TRPM3: variants seen among roughly 807,000 people sequenced by gnomAD.
TRPM3 encodes transient receptor potential cation channel subfamily M member 3.
Under a neutral mutation model 181.2 loss-of-function variants are expected in TRPM3, and 77 were observed. That is an observed-to-expected ratio of 0.42 (90% CI 0.35 to 0.51). The LOEUF (loss-of-function observed/expected upper bound fraction) is 0.51. Among genes scored for constraint, TRPM3 ranks in the 20% least tolerant of loss-of-function variants. The probability of loss-of-function intolerance (pLI) is 0.01; values close to 1 mark genes in which losing one functional copy is unlikely to be tolerated. For synonymous variants in TRPM3, 745 were observed against 796.4 expected (o/e 0.94, Z 1.09); for missense variants, 1,759 against 2,196.7 (o/e 0.80, Z 3.98).
At chr9:70,663,763 T>TA (rs1487906280) in intron 9 of TRPM3, among the ~76,000 whole-genome samples, 2 of 152,192 alleles carry the variant, frequency 1.3e-5, no homozygotes, top group South Asian at 2.1e-4. Flanking sequence ...GAGAACTGAA[T>TA]AAGATCTAAG....
At chr9:70,803,754 T>C (rs921738214) in intron 6 of TRPM3, among the ~76,000 whole-genome samples, 6 of 150,224 alleles carry the variant, frequency 4.0e-5, no homozygotes, top group Non-Finnish European at 4.4e-5. Flanking sequence ...CCGGCCGAGC[T>C]CCCCTTTTTT....
chr9:71,279,406 C>A (rs1347031941), intron 1 of TRPM3, among the ~76,000 whole-genome samples: 1 of 152,180 alleles, frequency 6.6e-6, no homozygotes, highest in Non-Finnish European at 1.5e-5. Flanking sequence ...ATTTGTCCAT[C>A]TGGCAGTTTT....
chr9:70,855,738 C>T (rs2095368847), intron 3 of TRPM3, among the ~76,000 whole-genome samples: 1 of 152,130 alleles, frequency 6.6e-6, no homozygotes, highest in African/African-American at 2.4e-5. Context: ...AAAATGGGCA[C>T]TTGTAATTAA....
chr9:70,869,143 G>A (rs965207352), intron 1 of TRPM3: 4 of 783,192 alleles, frequency 5.1e-6, no homozygotes, highest in Non-Finnish European at 6.2e-6. Context: ...CCCAAGAGAC[G>A]TTTCAAGTAA....
intron 1 of TRPM3, among the ~76,000 whole-genome samples, chr9:71,041,697 T>C (rs1166862933): frequency 6.6e-6 from 1 of 152,188 alleles, no homozygotes; most frequent in Admixed American, 6.5e-5. Context: ...CTACTGTCTT[T>C]GATATCTATA....
At chr9:71,194,239 A>G in intron 1 of TRPM3, among the ~76,000 whole-genome samples, 1 of 151,936 alleles carries the variant, frequency 6.6e-6, no homozygotes, top group Non-Finnish European at 1.5e-5. Context: ...TCTCTTGGGA[A>G]GAGGTAAGTG....
In TRPM3 at chr9:70,576,480, T is replaced by TCTC. The variant is rs760840409; in HGVS notation, c.3223+14548_3223+14550dup. Among the ~76,000 whole-genome samples the TCTC allele has an allele frequency of 2.0e-3, 274 of 139,890 alleles. 4 individuals carry two copies. In the East Asian group the frequency reaches 0.035, roughly 18 times the overall value. 91.8% of individuals were successfully genotyped at this position (139,890 alleles called of 152,430 possible). A position where few individuals can be genotyped will look rare whatever the true frequency, so the allele number is the denominator to read the frequency against. On this transcript the variant is annotated intron_variant, in intron 22 of 25. Coordinates refer to ENST00000677713, the MANE Select transcript of TRPM3 (RefSeq NM_001366145.2). ...CTGCTATAGATCTTCTTCTTCTTCT[T>TCTC]CTCCTCCTCCTCCTCCTCCTCCTTC... is the stretch of plus-strand genomic sequence containing the variant.
intron 1 of TRPM3, among the ~76,000 whole-genome samples, chr9:71,416,684 C>T (rs951148793): frequency 1.3e-5 from 2 of 151,854 alleles, no homozygotes; most frequent in Non-Finnish European, 2.9e-5. Flanking sequence ...ACACTATTCA[C>T]CTAAATTTAT....
At chr9:71,136,847 G>A (rs147223099) in intron 1 of TRPM3, among the ~76,000 whole-genome samples, 1 of 152,322 alleles carries the variant, frequency 6.6e-6, no homozygotes, top group African/African-American at 2.4e-5. Context: ...GGCGCACTTT[G>A]AAGACAGGAA....
At chr9:71,108,026 G>A (rs955380665) in intron 1 of TRPM3, among the ~76,000 whole-genome samples, 4 of 152,074 alleles carry the variant, frequency 2.6e-5, no homozygotes, top group Non-Finnish European at 2.9e-5. Context: ...AGGCATTTAC[G>A]GGGACATCTG....
chr9:70,639,222 G>T (rs778640667), intron 10 of TRPM3, 28 bp from the exon 11 acceptor site: 2 of 1,611,726 alleles, frequency 1.2e-6, no homozygotes, highest in South Asian at 2.2e-5. Context: ...GAGTTAGTCT[G>T]CCCCAGGGTC....
At chr9:71,319,946 T>C (rs903428834) in intron 1 of TRPM3, among the ~76,000 whole-genome samples, 23 of 152,266 alleles carry the variant, frequency 1.5e-4, no homozygotes, top group Admixed American at 6.5e-4. Flanking sequence ...TATATCTTTG[T>C]GCTTTGTTAT....
At chr9:71,085,435 C>G (rs1398422378) in intron 1 of TRPM3, among the ~76,000 whole-genome samples, 1 of 151,378 alleles carries the variant, frequency 6.6e-6, no homozygotes, top group Non-Finnish European at 1.5e-5. Flanking sequence ...ATTAAACAAG[C>G]AAAAAACAAA....
intron 1 of TRPM3, among the ~76,000 whole-genome samples, chr9:71,043,615 T>C (rs2059080675): frequency 6.6e-6 from 1 of 152,196 alleles, no homozygotes; most frequent in South Asian, 2.1e-4. Context: ...CCCACATCTA[T>C]TACAACCACC....
intron 1 of TRPM3, among the ~76,000 whole-genome samples, chr9:71,252,847 C>CTT (rs11417438): frequency 0.02 from 1,724 of 84,718 alleles, 67 homozygotes; most frequent in East Asian, 0.09. Flanking sequence ...AATTTTGTCT[C>CTT]TTTTTTTTTT....
At chr9:71,187,946 G>GATAA (rs2077782825) in intron 1 of TRPM3, among the ~76,000 whole-genome samples, 1 of 51,344 alleles carries the variant, frequency 1.9e-5, no homozygotes, top group African/African-American at 6.1e-5. Context: ...TAGATAGATA[G>GATAA]ATAGATCATC....
intron 1 of TRPM3, among the ~76,000 whole-genome samples, chr9:71,132,227 A>G (rs910788710): frequency 9.2e-5 from 14 of 152,202 alleles, no homozygotes; most frequent in Admixed American, 7.2e-4. Flanking sequence ...GAATCCGAGA[A>G]TATAGGTGAC....
At chr9:70,605,914 C>T (rs568151478) in intron 19 of TRPM3, among the ~76,000 whole-genome samples, 1 of 152,206 alleles carries the variant, frequency 6.6e-6, no homozygotes, top group East Asian at 1.9e-4. Flanking sequence ...CATGCACATT[C>T]TTCCAGAACC....
intron 9 of TRPM3, among the ~76,000 whole-genome samples, chr9:70,652,437 G>A (rs2133804576): frequency 6.6e-6 from 1 of 152,170 alleles, no homozygotes; most frequent in South Asian, 2.1e-4. Context: ...TTTGGTGGAA[G>A]GTGAAGTGAA....
Sources: allele counts gnomAD v4.1 joint callset (sites outside exome capture counted in the v4.1 genomes callset), GRCh38; gene constraint gnomAD v4.1.1; transcripts MANE v1.5; gene names NCBI Gene and HGNC (gene_info 2026-07-23, HGNC 2026-07-21).